SPEF2: variants seen among roughly 807,000 people sequenced by gnomAD.
The protein encoded by SPEF2 is sperm flagellar and cilia associated 2.
A neutral mutation model predicts 224.6 loss-of-function variants in SPEF2; 187 were observed. The observed-to-expected ratio is 0.83, with a 90% confidence interval of 0.74 to 0.94. The LOEUF (loss-of-function observed/expected upper bound fraction) is 0.94. Among genes scored for constraint, SPEF2 ranks in the 40% least tolerant of loss-of-function variants. SPEF2 has a pLI of 0.00. For synonymous variants in SPEF2, 715 were observed against 707.3 expected (o/e 1.01, Z -0.17); for missense variants, 2,170 against 2,135.6 (o/e 1.02, Z -0.32).
intron 8 of SPEF2, 123 bp from the exon 9 acceptor site, chr5:35,666,949 A>AT: frequency 2.4e-6 from 2 of 843,136 alleles, no homozygotes; most frequent in East Asian, 2.7e-5. Flanking sequence ...TTCATGATTA[A>AT]TTTTTTTCCT....
chr5:35,803,933 G>A (rs1178097396), intron 34 of SPEF2, among the ~76,000 whole-genome samples: 2 of 152,148 alleles, frequency 1.3e-5, no homozygotes, highest in African/African-American at 2.4e-5. Flanking sequence ...ACTTAAAAGC[G>A]AGGCATTCAT....
chr5:35,726,410 A>G (rs891127191), intron 20 of SPEF2, among the ~76,000 whole-genome samples: 1 of 152,196 alleles, frequency 6.6e-6, no homozygotes, highest in Non-Finnish European at 1.5e-5. Context: ...TTAGAAAAAC[A>G]TATCAAATTG....
chr5:35,629,465 CT>C (rs1285722467), intron 2 of SPEF2, among the ~76,000 whole-genome samples: 1 of 151,964 alleles, frequency 6.6e-6, no homozygotes, highest in Non-Finnish European at 1.5e-5. Context: ...CCTGTTCCTT[CT>C]TTTAAGAGAA....
intron 2 of SPEF2, among the ~76,000 whole-genome samples, chr5:35,631,577 A>G (rs1444631847): frequency 6.6e-6 from 1 of 152,224 alleles, no homozygotes; most frequent in Non-Finnish European, 1.5e-5. Flanking sequence ...AGGTAAACAT[A>G]GACTCTCAAA....
rs141576865 is a variant in SPEF2 at position 35,637,587 on chromosome 5, C to A, written c.162-3844C>A. Among the ~76,000 whole-genome samples, 287 of 152,252 alleles carry A rather than the reference C, an allele frequency of 1.9e-3. 3 individuals are homozygous for A. Among genetic ancestry groups the A allele is most frequent in the African/African-American group, 6.5e-3 (270 of 41,530 alleles). On this transcript the variant is annotated intron_variant, in intron 2 of 36. Coordinates refer to ENST00000356031, the MANE Select transcript of SPEF2 (RefSeq NM_024867.4). ...AGCAACTGTATGACACAAAAGAAGCCATGGATTAGAACTACACTGTCATAC... is the reference window on the plus strand; with the variant it reads ...AGCAACTGTATGACACAAAAGAAGCAATGGATTAGAACTACACTGTCATAC...
intron 26 of SPEF2, among the ~76,000 whole-genome samples, chr5:35,767,021 T>C (rs115430644): frequency 0.02 from 3,045 of 151,870 alleles, 76 homozygotes; most frequent in South Asian, 0.053. Flanking sequence ...TTAGTGTACA[T>C]ATTGCACTTC....
chr5:35,720,030 G>A (rs1743329342), intron 20 of SPEF2, among the ~76,000 whole-genome samples: 1 of 152,114 alleles, frequency 6.6e-6, no homozygotes, highest in African/African-American at 2.4e-5. Flanking sequence ...CTCCTTAAAG[G>A]GAAGCATACC....
chr5:35,654,571 C>T lies in SPEF2; in HGVS notation c.823C>T (p.Gln275Ter), dbSNP rs1748694061. 6.2e-7 allele frequency: 1 copy of T among 1,604,356 alleles called. No homozygotes were observed. Among genetic ancestry groups the T allele is most frequent in the East Asian group, 2.2e-5 (1 of 44,716 alleles). The part of the protein sequence containing the change: ...ASKTSLDTAG[Q>*]TTTDLLNTYS... Reference sequence around the variant, plus strand: ...CAAGACTTCTTTAGATACAGCAGGCCAGACAACCACCGATTTGTTAAATAC... The same window carrying T: ...CAAGACTTCTTTAGATACAGCAGGCTAGACAACCACCGATTTGTTAAATAC... Residue 275 changes from glutamine to a stop codon, truncating the protein, a stop_gained, in exon 7 of 37, where the codon CAG becomes TAG. Transcript: ENST00000356031. LOFTEE classifies it high-confidence loss of function.
intron 16 of SPEF2, 95 bp downstream of exon 16, chr5:35,700,847 C>A: frequency 7.9e-7 from 1 of 1,266,274 alleles, no homozygotes; most frequent in Non-Finnish European, 1.1e-6. Flanking sequence ...TAAATGAGTA[C>A]AAAATAATCC....
At chr5:35,704,702 T>G (rs1034400692) in intron 17 of SPEF2, 40 bp downstream of exon 17, 2 of 1,169,930 alleles carry the variant, frequency 1.7e-6, no homozygotes, top group Admixed American at 1.8e-5. Flanking sequence ...TGTTTCATGC[T>G]TTTTAAATAG....
chr5:35,739,937 G>A lies in SPEF2; in HGVS notation c.3082G>A (p.Val1028Ile), dbSNP rs1301445300. The change falls in exon 22 of 37, where the codon GTA (valine) becomes ATA (isoleucine). Residue 1028 changes from valine to isoleucine, a missense_variant. Coordinates refer to ENST00000356031, the MANE Select transcript of SPEF2 (RefSeq NM_024867.4). ...TTAACAGGAAATGCCTTTGTTTTTAGTACCTTACTGGGAACTAATAGAAAA... is the reference window on the plus strand; with the variant it reads ...TTAACAGGAAATGCCTTTGTTTTTAATACCTTACTGGGAACTAATAGAAAA... ...PVPEEMPLFL[V>I]PYWELIENSY... 2 of 1,613,524 alleles carry A rather than the reference G, an allele frequency of 1.2e-6. No homozygotes were observed. Among genetic ancestry groups the A allele is most frequent in the Non-Finnish European group, 1.7e-6 (2 of 1,179,886 alleles).
chr5:35,756,723 A>G (rs1750503130), intron 24 of SPEF2, among the ~76,000 whole-genome samples: 1 of 152,248 alleles, frequency 6.6e-6, no homozygotes, highest in Admixed American at 6.5e-5. Flanking sequence ...AAGATGTTTC[A>G]CAAAACAAGG....
At chr5:35,751,791 C>T (rs1023307069) in intron 23 of SPEF2, among the ~76,000 whole-genome samples, 1 of 152,146 alleles carries the variant, frequency 6.6e-6, no homozygotes, top group African/African-American at 2.4e-5. Flanking sequence ...TAATTTCTGG[C>T]TCTACCACAT....
At chr5:35,709,689 A>T in intron 19 of SPEF2, 1 of 985,356 alleles carries the variant, frequency 1.0e-6, no homozygotes, top group Non-Finnish European at 1.2e-6. Flanking sequence ...GAACACTTTT[A>T]GTTTAAGTTT....
intron 2 of SPEF2, among the ~76,000 whole-genome samples, chr5:35,633,597 T>C (rs1235319543): frequency 6.6e-6 from 1 of 152,016 alleles, no homozygotes; most frequent in Non-Finnish European, 1.5e-5. Flanking sequence ...TTTGTAATTG[T>C]AGTTATTTAA....
chr5:35,654,330 A>G (rs1459442842), intron 6 of SPEF2, among the ~76,000 whole-genome samples: 1 of 152,146 alleles, frequency 6.6e-6, no homozygotes, highest in Non-Finnish European at 1.5e-5. Context: ...AGGACCTCAC[A>G]GAGAATTTAG....
At chr5:35,658,254 TC>T (rs1749225117) in intron 7 of SPEF2, among the ~76,000 whole-genome samples, 1 of 152,204 alleles carries the variant, frequency 6.6e-6, no homozygotes, top group African/African-American at 2.4e-5. Context: ...ATGTTTTTTT[TC>T]CACTGTTCAT....
chr5:35,751,096 C>CACACATATATATATAT (rs1554048857), intron 23 of SPEF2, among the ~76,000 whole-genome samples: 11 of 30,600 alleles, frequency 3.6e-4, no homozygotes, highest in African/African-American at 1.2e-3. Context: ...CACACACACA[C>CACACATATATATATAT]ATATATATAT....
chr5:35,808,666 G>C (rs549441773), intron 36 of SPEF2, among the ~76,000 whole-genome samples: 46 of 150,716 alleles, frequency 3.1e-4, no homozygotes, highest in African/African-American at 1.0e-3. Flanking sequence ...ATGGACATTT[G>C]GGTTGGTTCC....
Sources: gnomAD v4.1 joint callset for allele counts (sites outside exome capture counted in the v4.1 genomes callset) on GRCh38, gnomAD v4.1.1 for gene constraint, MANE v1.5 for transcripts, NCBI Gene and HGNC (gene_info 2026-07-23, HGNC 2026-07-21) for gene names.